The following ARL10 variants were observed in gnomAD, a reference collection of about 807,000 sequenced individuals.
ARL10 encodes ARF like GTPase 10, also known as ADP-ribosylation factor-like protein 10.
A neutral mutation model predicts 26.1 loss-of-function variants in ARL10; 23 were observed. That is an observed-to-expected ratio of 0.88 (90% confidence interval 0.63 to 1.25). The LOEUF (loss-of-function observed/expected upper bound fraction) is 1.25, where lower values mean the gene tolerates loss of function less well. Ranked by LOEUF, ARL10 falls within the 50% of genes most tolerant of loss-of-function variation. The probability of loss-of-function intolerance (pLI) is 0.00; values close to 1 mark genes in which losing one functional copy is unlikely to be tolerated. For synonymous variants in ARL10, 138 were observed against 149.1 expected, an observed-to-expected ratio of 0.93 and a Z score of 0.54; for missense variants, 300 against 323.6, an observed-to-expected ratio of 0.93 and a Z score of 0.56.
chr5:176,400,893 G>A (rs1756784516), intron 1 of ARL10, among the ~76,000 whole-genome samples: 1 of 152,188 alleles, frequency 6.6e-6, no homozygotes, highest in African/African-American at 2.4e-5. Flanking sequence ...GGTTCAAGGA[G>A]GAGCTCTGGG....
At chr5:176,395,121 C>G (rs377711607) in intron 1 of ARL10, among the ~76,000 whole-genome samples, 1 of 152,072 alleles carries the variant, frequency 6.6e-6, no homozygotes, top group East Asian at 1.9e-4. Flanking sequence ...ACCATCCCAG[C>G]CTGTAGAGCT....
At chr5:176,388,581 G>C (rs747199026) in exon 2 of ARL10, 4 of 1,554,786 alleles carry the variant, frequency 2.6e-6, no homozygotes, top group Admixed American at 3.4e-5. Context: ...CGCTGCCTCT[G>C]TCTCTCAGAC....
chr5:176,375,731 T>TC lies in ARL10; in HGVS notation c.*3841dup, dbSNP rs1768682103. ...GCATTTGAGCAGGGGTCACTTATGT[T>TC]CCCCCATAAGTCTGCACAGCTCCTA... is the stretch of plus-strand genomic sequence containing the variant. On this transcript the variant is annotated 3_prime_UTR_variant, in exon 4 of 4. Transcript: ENST00000310389. 6.6e-6 allele frequency: 1 copy of TC among 152,126 alleles called. No homozygotes were observed. The highest frequency in any genetic ancestry group is 6.6e-5 in the Admixed American group (1 of 15,266). The allele number at this position is 152,126 out of a possible 1,614,324, so 9.4% of individuals were successfully genotyped here. A position where few individuals can be genotyped will look rare whatever the true frequency, so the allele number is the denominator to read the frequency against.
Position 176,366,410 on chromosome 5 carries a change from C to G in ARL10, c.214C>G (p.Leu72Val), listed in dbSNP as rs1194179057. Residue 72 changes from leucine to valine, a missense_variant, in exon 2 of 4, where the codon CTG (leucine) becomes GTG (valine). By Grantham distance (32) the Leu-to-Val change is conservative (BLOSUM62 1). Transcript: ENST00000310389. Reference sequence around the variant, plus strand: ...GGACGAGGAGGACGAGGAGCCGGCGCTGGAGGAGCTGGAACAGCGCGAGGT... The same window carrying G: ...GGACGAGGAGGACGAGGAGCCGGCGGTGGAGGAGCTGGAACAGCGCGAGGT... ...PEDEEDEEPA[L>V]EELEQREVLV... 4 of 1,611,698 alleles carry G rather than the reference C, an allele frequency of 2.5e-6. No individual in the cohort carries two copies. Among genetic ancestry groups the G allele is most frequent in the Non-Finnish European group, 1.7e-6 (2 of 1,179,644 alleles).
At chr5:176,398,129 T>A in intron 1 of ARL10, 1 of 1,281,392 alleles carries the variant, frequency 7.8e-7, no homozygotes, top group South Asian at 1.2e-5. Flanking sequence ...GACCCACTCA[T>A]GTCTGGATAA....
chr5:176,409,070 G>A, the ARL10 span, among the ~76,000 whole-genome samples: 3 of 151,972 alleles, frequency 2.0e-5, no homozygotes, highest in Admixed American at 6.6e-5. Context: ...TCCCACTCCC[G>A]GATTCAAGCT....
chr5:176,407,160 G>A, the ARL10 span, among the ~76,000 whole-genome samples: 33 of 152,314 alleles, frequency 2.2e-4, no homozygotes, highest in East Asian at 5.4e-3. Flanking sequence ...CTGACAGGTC[G>A]GGAGGGAGAA....
At chr5:176,410,750 G>C in the ARL10 span, among the ~76,000 whole-genome samples, 1 of 117,788 alleles carries the variant, frequency 8.5e-6, no homozygotes, top group East Asian at 2.4e-4. Flanking sequence ...AGGAAGAGAG[G>C]GGCCTACGCG....
At chr5:176,401,689 T>C (rs1029363672) in intron 1 of ARL10, 8 of 455,952 alleles carry the variant, frequency 1.8e-5, no homozygotes, top group Non-Finnish European at 2.6e-5. Flanking sequence ...TCGCCTTGTG[T>C]TGCACAGCAT....
intron 1 of ARL10, among the ~76,000 whole-genome samples, chr5:176,400,772 G>A (rs536310858): frequency 6.6e-6 from 1 of 152,144 alleles, no homozygotes; most frequent in Non-Finnish European, 1.5e-5. Context: ...CTCCACACAG[G>A]AGTGTCTGGC....
chr5:176,386,351 G>C, downstream of ARL10: 1 of 208,530 alleles, frequency 4.8e-6, no homozygotes, highest in Non-Finnish European at 9.9e-6. Flanking sequence ...TAGGGGAGCT[G>C]CTTAAACTCC....
At chr5:176,390,397 C>T (rs943715651), downstream of ARL10, among the ~76,000 whole-genome samples, 1 of 152,066 alleles carries the variant, frequency 6.6e-6, no homozygotes, top group Non-Finnish European at 1.5e-5. Context: ...CTGCTCCCAC[C>T]TCCCTAGAGT....
chr5:176,402,901 G>A (rs949285948), downstream of ARL10, among the ~76,000 whole-genome samples: 2 of 152,174 alleles, frequency 1.3e-5, no homozygotes, highest in Non-Finnish European at 2.9e-5. Context: ...GCCAGCACGT[G>A]TAAGAATCAC....
chr5:176,394,806 CTCCG>C (rs2113624019), intron 1 of ARL10, among the ~76,000 whole-genome samples: 1 of 149,906 alleles, frequency 6.7e-6, no homozygotes, highest in South Asian at 2.1e-4. Flanking sequence ...CAGAGCAAGA[CTCCG>C]TCTTAAAAAA....
rs115198337 is a variant in ARL10, at chr5:176,394,071, G to A, written c.134-7670G>A. ...GCTCATTTCCTAGCCTGTAAAATGAGGATCATAGCTCTGCCCTACCAACTA... is the reference window on the plus strand; with the variant it reads ...GCTCATTTCCTAGCCTGTAAAATGAAGATCATAGCTCTGCCCTACCAACTA... On this transcript the variant is annotated intron_variant, in intron 1 of 1. Coordinates refer to the ARL10 transcript ENST00000514533. 3.0e-3 allele frequency among the ~76,000 whole-genome samples: 454 copies of A among 152,304 alleles called. 3 individuals are homozygous for A. Among genetic ancestry groups the A allele is most frequent in the African/African-American group, 0.01 (435 of 41,552 alleles).
chr5:176,396,781 C>G (rs920881481), intron 1 of ARL10, among the ~76,000 whole-genome samples: 14 of 152,196 alleles, frequency 9.2e-5, no homozygotes, highest in South Asian at 2.1e-4. Flanking sequence ...GTTCAAACAC[C>G]TTCAGTGGCT....
rs1413552918 is a variant in ARL10 at position 176,374,561 on chromosome 5, T to A, written c.*2666T>A. On this transcript the variant is annotated 3_prime_UTR_variant, in exon 4 of 4. Transcript: ENST00000310389. ...TAATATGAGTCTCCACAAACCAAAC[T>A]GATTGGAATCAAACAACTCAAGTTC... 6.6e-6 allele frequency: 1 copy of A among 152,182 alleles called. No homozygotes were observed. Among genetic ancestry groups the A allele is most frequent in the Non-Finnish European group, 1.5e-5 (1 of 68,034 alleles). 9.4% of individuals were successfully genotyped at this position (152,182 alleles called of 1,614,324 possible).
At chr5:176,406,714 G>A (rs1269240770), downstream of ARL10, 1 of 1,284,502 alleles carries the variant, frequency 7.8e-7, no homozygotes. Flanking sequence ...ACGGGCTGCA[G>A]AAAAGAGGAA....
chr5:176,370,791 C>T (rs1768505168), intron 3 of ARL10, among the ~76,000 whole-genome samples: 1 of 152,200 alleles, frequency 6.6e-6, no homozygotes, highest in Admixed American at 6.5e-5. Context: ...GAAATTACAA[C>T]ATACCATCAC....
Sources: allele counts gnomAD v4.1 joint callset (sites outside exome capture counted in the v4.1 genomes callset), GRCh38; gene constraint gnomAD v4.1.1; transcripts MANE v1.5; gene names NCBI Gene and HGNC (gene_info 2026-07-23, HGNC 2026-07-21).